Variants in TASP1 observed in about 807,000 individuals in gnomAD.
TASP1 encodes taspase 1.
A neutral mutation model predicts 56.6 loss-of-function variants in TASP1; 16 were observed. That is an observed-to-expected ratio of 0.28 (90% CI 0.19 to 0.43). The LOEUF (loss-of-function observed/expected upper bound fraction) is 0.43, where lower values mean the gene tolerates loss of function less well. Among genes scored for constraint, TASP1 ranks in the 20% least tolerant of loss-of-function variants. The pLI is 1.00. For synonymous variants in TASP1, 179 were observed against 184.2 expected (o/e 0.97, Z 0.23); for missense variants, 393 against 511.6 (o/e 0.77, Z 2.24).
At chr20:13,290,445 C>G in the TASP1 span, among the ~76,000 whole-genome samples, 1 of 152,232 alleles carries the variant, frequency 6.6e-6, no homozygotes, top group South Asian at 2.1e-4. Flanking sequence ...GTCAGGAGAT[C>G]GAGACCATCC....
chr20:13,356,089 G>C, the TASP1 span, among the ~76,000 whole-genome samples: 2 of 152,184 alleles, frequency 1.3e-5, no homozygotes, highest in African/African-American at 2.4e-5. Context: ...TGGCAGGAGA[G>C]CTAAGGTTTT....
At chr20:13,634,426 T>A (rs974212613) in intron 1 of TASP1, among the ~76,000 whole-genome samples, 2 of 152,250 alleles carry the variant, frequency 1.3e-5, no homozygotes, top group South Asian at 2.1e-4. Flanking sequence ...ACTTTCTTTT[T>A]GTGCTGATAA....
At chr20:13,234,458 G>T in the TASP1 span, among the ~76,000 whole-genome samples, 1 of 152,124 alleles carries the variant, frequency 6.6e-6, no homozygotes, top group Non-Finnish European at 1.5e-5. Flanking sequence ...CTTTCCCTTT[G>T]GGTATATACT....
intron 11 of TASP1, among the ~76,000 whole-genome samples, chr20:13,478,405 A>C (rs1003196780): frequency 1.3e-5 from 2 of 152,042 alleles, no homozygotes; most frequent in Non-Finnish European, 2.9e-5. Context: ...AAAGAATGAA[A>C]TCATGTCTTC....
At chr20:13,281,355 C>A in the TASP1 span, among the ~76,000 whole-genome samples, 1 of 152,162 alleles carries the variant, frequency 6.6e-6, no homozygotes, top group Non-Finnish European at 1.5e-5. Context: ...GCTCATGAAA[C>A]CTTCACCTTT....
chr20:13,636,819 T>C (rs1465747708), intron 1 of TASP1, among the ~76,000 whole-genome samples: 2 of 152,102 alleles, frequency 1.3e-5, no homozygotes, highest in African/African-American at 4.8e-5. Flanking sequence ...GATAGCCACA[T>C]GCAATAGAAT....
At chr20:13,414,766 A>G (rs1049879607) in intron 13 of TASP1, among the ~76,000 whole-genome samples, 4 of 152,250 alleles carry the variant, frequency 2.6e-5, no homozygotes, top group East Asian at 1.9e-4. Flanking sequence ...ATCTTATGTT[A>G]TCAAAGCAGT....
chr20:13,363,094 C>A, the TASP1 span, among the ~76,000 whole-genome samples: 1 of 151,980 alleles, frequency 6.6e-6, no homozygotes, highest in Admixed American at 6.6e-5. Context: ...GTAGCTGGCA[C>A]AGAGCTCCCA....
the TASP1 span, among the ~76,000 whole-genome samples, chr20:13,363,982 T>A: frequency 4.6e-5 from 7 of 152,142 alleles, no homozygotes; most frequent in Admixed American, 1.3e-4. Context: ...AATTTCTTCC[T>A]ATGAGGAGAT....
chr20:13,217,329 T>C, the TASP1 span, among the ~76,000 whole-genome samples: 5 of 152,216 alleles, frequency 3.3e-5, no homozygotes, highest in Non-Finnish European at 7.3e-5. Context: ...TTCTCTTTAC[T>C]TTTGTATATA....
At chr20:13,302,730 C>G in the TASP1 span, among the ~76,000 whole-genome samples, 1 of 152,194 alleles carries the variant, frequency 6.6e-6, no homozygotes, top group African/African-American at 2.4e-5. Context: ...GCTCTTTTGC[C>G]TTCCCCTGGA....
intron 1 of TASP1, among the ~76,000 whole-genome samples, chr20:13,637,502 C>T (rs557509772): frequency 1.3e-5 from 2 of 152,238 alleles, no homozygotes; most frequent in South Asian, 2.1e-4. Context: ...GTCCATCGAC[C>T]GATGATGGTT....
the TASP1 span, among the ~76,000 whole-genome samples, chr20:13,291,138 T>C: frequency 3.3e-5 from 5 of 152,192 alleles, no homozygotes; most frequent in Non-Finnish European, 7.4e-5. Context: ...TCTGCCTCCA[T>C]TTACAAATGT....
intron 11 of TASP1, among the ~76,000 whole-genome samples, chr20:13,471,749 C>T (rs1439649566): frequency 1.3e-5 from 2 of 152,152 alleles, no homozygotes; most frequent in South Asian, 2.1e-4. Flanking sequence ...CAGCTCCCAG[C>T]GTGATCTATG....
At chr20:13,182,289 C>A in the TASP1 span, among the ~76,000 whole-genome samples, 3 of 152,224 alleles carry the variant, frequency 2.0e-5, no homozygotes, top group African/African-American at 7.2e-5. Flanking sequence ...AGTAATTTCA[C>A]CATTCTCCAG....
At chr20:13,211,346 C>T in the TASP1 span, among the ~76,000 whole-genome samples, 2 of 152,066 alleles carry the variant, frequency 1.3e-5, no homozygotes, top group South Asian at 2.1e-4. Context: ...TCATCATAAC[C>T]TCAATTAAGA....
At chr20:13,365,798 G>A in the TASP1 span, among the ~76,000 whole-genome samples, 56 of 152,340 alleles carry the variant, frequency 3.7e-4, no homozygotes, top group East Asian at 9.1e-3. Flanking sequence ...GGGAAGAGAT[G>A]TGATGATTTA....
chr20:13,437,447 A>C (rs1190354310), intron 11 of TASP1, among the ~76,000 whole-genome samples: 1 of 152,222 alleles, frequency 6.6e-6, no homozygotes, highest in East Asian at 1.9e-4. Context: ...GAAAACTGGC[A>C]CAAGACAGGG....
At chr20:13,470,883 T>G (rs1270515481) in intron 11 of TASP1, among the ~76,000 whole-genome samples, 11 of 152,198 alleles carry the variant, frequency 7.2e-5, no homozygotes, top group Admixed American at 5.9e-4. Flanking sequence ...GCATATTTAT[T>G]TACAACTGTA....
Sources: allele counts gnomAD v4.1 joint callset (sites outside exome capture counted in the v4.1 genomes callset), GRCh38; gene constraint gnomAD v4.1.1; transcripts MANE v1.5; gene names NCBI Gene and HGNC (gene_info 2026-07-23, HGNC 2026-07-21).